The following TIGAR variants were observed in gnomAD, a reference collection of about 807,000 sequenced individuals.
TIGAR encodes the protein fructose-2,6-bisphosphatase TIGAR.
Under a neutral mutation model 17.9 loss-of-function variants are expected in TIGAR, and 7 were observed. That is an observed-to-expected ratio of 0.39 (90% CI 0.22 to 0.73). TIGAR has a LOEUF of 0.73. Among genes scored for constraint, TIGAR ranks in the 30% least tolerant of loss-of-function variants. The probability of loss-of-function intolerance (pLI) is 0.42; values close to 1 mark genes in which losing one functional copy is unlikely to be tolerated. For missense variants in TIGAR, 258 were observed against 327.4 expected (o/e 0.79, Z 1.64); for synonymous variants, 94 against 108.6 (o/e 0.87, Z 0.84).
In TIGAR at chr12:4,358,371, G is replaced by A. The variant is rs931600604; in HGVS notation, c.*5680G>A. ...ATTACAGTAATGTGTATGTGCGTGT[G>A]TTTTGGTAATCTTTTATCTTGGATT... On this transcript the variant is annotated 3_prime_UTR_variant, in exon 6 of 6. Coordinates refer to ENST00000179259, the MANE Select transcript of TIGAR (RefSeq NM_020375.3). Among the ~76,000 whole-genome samples the A allele has an allele frequency of 2.0e-5, 3 of 152,086 alleles. No homozygotes were observed. Among genetic ancestry groups the A allele is most frequent in the African/African-American group, 7.2e-5 (3 of 41,506 alleles).
chr12:4,331,445 A>G (rs1361577149), intron 2 of TIGAR, 128 bp downstream of exon 2: 4 of 847,788 alleles, frequency 4.7e-6, no homozygotes, highest in Non-Finnish European at 7.9e-6. Flanking sequence ...TACAGAATCA[A>G]AGCATCATAA....
intron 1 of TIGAR, among the ~76,000 whole-genome samples, chr12:4,327,494 A>G (rs934106032): frequency 1.3e-5 from 2 of 152,086 alleles, no homozygotes; most frequent in Non-Finnish European, 2.9e-5. Flanking sequence ...TTATTAGGAC[A>G]TGTCTGAGCA....
rs1864856058 is a variant in TIGAR at position 4,353,126 on chromosome 12, A to G, written c.*435A>G. On this transcript the variant is annotated 3_prime_UTR_variant, in exon 6 of 6. Transcript: ENST00000179259. ...TACATGTTTATATTGACTGTGTTAT[A>G]TTTTTAAATCCTTTAAATAAAAAAT... 1 of 156,406 alleles carries G rather than the reference A, an allele frequency of 6.4e-6. No homozygotes were observed. Among genetic ancestry groups the G allele is most frequent in the Non-Finnish European group, 1.4e-5 (1 of 70,832 alleles). The allele number at this position is 156,406 out of a possible 1,614,324, so 9.7% of individuals were successfully genotyped here. A position where few individuals can be genotyped will look rare whatever the true frequency, so the allele number is the denominator to read the frequency against.
Position 4,321,275 on chromosome 12 carries a change from G to A in TIGAR, c.4G>A (p.Ala2Thr). 6.2e-7 allele frequency: 1 copy of A among 1,601,118 alleles called. No individual in the cohort carries two copies. M[A>T]RFALTVVRHG... is the part of the protein sequence containing the mutation. The stretch of plus-strand genomic sequence containing the variant: ...GACGGGACGCGGCTCCGGGAACATG[G>A]CTCGCTTCGCTCTGACTGTTGTCCG... Residue 2 changes from alanine (A) to threonine (T), a missense_variant, in exon 1 of 6, where the codon GCT (alanine) becomes ACT (threonine). Coordinates refer to ENST00000179259, the MANE Select transcript of TIGAR (RefSeq NM_020375.3). This position sits in a 1 kb window ranked among gnomAD's most constrained non-coding sequence, Gnocchi z 5.2.
At chr12:4,341,849 G>A (rs1406381367) in intron 3 of TIGAR, among the ~76,000 whole-genome samples, 9 of 152,218 alleles carry the variant, frequency 5.9e-5, no homozygotes, top group East Asian at 3.8e-4. Context: ...CCAAAGGAAC[G>A]CAGCTCCTCA....
intron 3 of TIGAR, 45 bp from the exon 4 acceptor site, chr12:4,349,774 G>C: frequency 7.0e-7 from 1 of 1,436,274 alleles, no homozygotes; most frequent in Non-Finnish European, 9.6e-7. Context: ...CCACCAGAAT[G>C]GTGATTATTT....
At position 4,331,202 on chromosome 12, in the gene TIGAR, C is replaced by G. The variant is rs1864600078; in HGVS notation, c.33-78C>G. Reference sequence around the variant, plus strand: ...ATGATATTTTTAGAGTATCACCACACTTGATTGCTCATTTTTTTCCTCCTC... The same window carrying G: ...ATGATATTTTTAGAGTATCACCACAGTTGATTGCTCATTTTTTTCCTCCTC... On this transcript the variant is annotated intron_variant, in intron 1 of 5. Coordinates refer to ENST00000179259, the MANE Select transcript of TIGAR (RefSeq NM_020375.3). 3 of 1,286,256 alleles carry G rather than the reference C, an allele frequency of 2.3e-6. No individual in the cohort carries two copies. In the Admixed American group the frequency reaches 5.1e-5, roughly 22 times the overall value. 79.7% of individuals were successfully genotyped at this position (1,286,256 alleles called of 1,614,324 possible).
chr12:4,344,855 A>G (rs141404151), intron 3 of TIGAR, among the ~76,000 whole-genome samples: 8,021 of 152,256 alleles, frequency 0.053, 305 homozygotes, highest in Non-Finnish European at 0.079. Context: ...ATGATTGTAT[A>G]TCTAGAAAAC....
chr12:4,324,696 A>C, intron 1 of TIGAR: 2 of 914,614 alleles, frequency 2.2e-6, no homozygotes, highest in Non-Finnish European at 3.5e-6. Flanking sequence ...GCTGGCACGC[A>C]CTGTACAGCT....
chr12:4,350,508 G>T (rs941306779), intron 4 of TIGAR, among the ~76,000 whole-genome samples: 2 of 152,142 alleles, frequency 1.3e-5, no homozygotes, highest in Non-Finnish European at 2.9e-5. Context: ...TGGCGTGGTG[G>T]CTTACGCTTG....
intron 1 of TIGAR, among the ~76,000 whole-genome samples, chr12:4,325,429 A>C (rs1007667320): frequency 6.6e-6 from 1 of 152,208 alleles, no homozygotes; most frequent in Non-Finnish European, 1.5e-5. Context: ...CTATAAAAGT[A>C]TAAAGATACC....
intron 2 of TIGAR, 151 bp downstream of exon 2, chr12:4,331,468 G>A: frequency 1.4e-6 from 1 of 735,866 alleles, no homozygotes; most frequent in Non-Finnish European, 2.3e-6. Context: ...ACAGAAATAT[G>A]ATCAGGGCTG....
chr12:4,330,127 A>G (rs1864588794), intron 1 of TIGAR, among the ~76,000 whole-genome samples: 1 of 152,054 alleles, frequency 6.6e-6, no homozygotes, highest in Non-Finnish European at 1.5e-5. Context: ...ATGAGGCCTG[A>G]GTTTGTGATT....
At chr12:4,325,761 AAAG>A (rs1591658704) in intron 1 of TIGAR, among the ~76,000 whole-genome samples, 1 of 147,090 alleles carries the variant, frequency 6.8e-6, no homozygotes, top group East Asian at 2.0e-4. Context: ...AAAAAAAAAG[AAAG>A]ACCACCAAAA....
rs542328068 is a variant in TIGAR, at chr12:4,327,011, T to G, written c.33-4269T>G. Among the ~76,000 whole-genome samples the G allele has an allele frequency of 1.4e-4, 21 of 152,318 alleles. No homozygotes were observed. In the East Asian group the frequency reaches 3.9e-3, roughly 28 times the overall value. Reference sequence around the variant, plus strand: ...AACTTTAGACAAATTAGACTTAGTTTATTTGAGCAAAGAAATGAATCATAA... The same window carrying G: ...AACTTTAGACAAATTAGACTTAGTTGATTTGAGCAAAGAAATGAATCATAA... On this transcript the variant is annotated intron_variant, in intron 1 of 5. Coordinates refer to ENST00000179259, the MANE Select transcript of TIGAR (RefSeq NM_020375.3).
rs751411289 is a variant in TIGAR at position 4,352,526 on chromosome 12, C to T, written c.648C>T (p.Ser216=). The T allele has an allele frequency of 1.2e-6, 2 of 1,614,090 alleles. No homozygotes were observed. The highest frequency in any genetic ancestry group is 1.1e-5 in the South Asian group (1 of 91,076). The change falls in exon 6 of 6, where the codon TCC becomes TCT. Residue 216 remains serine (S), a synonymous_variant. Coordinates refer to ENST00000179259, the MANE Select transcript of TIGAR (RefSeq NM_020375.3). ...FDYFLTDLKC[S]LPATLSRSEL... ...ATTTTCTGACTGACCTTAAGTGTTC[C>T]TTACCAGCCACTCTGAGCAGATCTG...
intron 3 of TIGAR, among the ~76,000 whole-genome samples, chr12:4,341,087 A>C (rs111632733): frequency 0.018 from 2,783 of 152,318 alleles, 72 homozygotes; most frequent in African/African-American, 0.063. Flanking sequence ...GAAACAATCA[A>C]CAAAGTGAAG....
chr12:4,337,897 G>A (rs1381410564), intron 3 of TIGAR, among the ~76,000 whole-genome samples: 1 of 152,166 alleles, frequency 6.6e-6, no homozygotes, highest in African/African-American at 2.4e-5. Context: ...TTGGGAGGCC[G>A]AGGCAGGTGG....
intron 1 of TIGAR, among the ~76,000 whole-genome samples, chr12:4,329,527 T>C (rs1864582923): frequency 1.3e-5 from 2 of 151,730 alleles, no homozygotes; most frequent in African/African-American, 4.8e-5. Flanking sequence ...TTAGTAGAGA[T>C]GGGGTTTCAT....
Sources: allele counts gnomAD v4.1 joint callset (sites outside exome capture counted in the v4.1 genomes callset), GRCh38; gene constraint gnomAD v4.1.1; non-coding constraint Gnocchi (gnomAD v3.1); transcripts MANE v1.5; gene names NCBI Gene and HGNC (gene_info 2026-07-23, HGNC 2026-07-21).